The following PPP1R9A variants were observed in gnomAD, a reference collection of about 807,000 sequenced individuals.
PPP1R9A encodes protein phosphatase 1 regulatory subunit 9A.
PPP1R9A carries 59 observed loss-of-function variants against 141.9 expected under a neutral mutation model. The ratio of observed to expected loss-of-function variants is 0.42; its 90% CI spans 0.34 to 0.52. The LOEUF (loss-of-function observed/expected upper bound fraction) is 0.52, where lower values mean the gene tolerates loss of function less well. PPP1R9A is among the 20% of genes least tolerant of loss of function. The probability of loss-of-function intolerance (pLI) is 0.10; values close to 1 mark genes in which losing one functional copy is unlikely to be tolerated. For missense variants in PPP1R9A, 1,444 were observed against 1,611.9 expected, an observed-to-expected ratio of 0.90 and a Z score of 1.78; for synonymous variants, 500 against 569.7, an observed-to-expected ratio of 0.88 and a Z score of 1.74.
At chr7:94,924,612 T>C (rs1793234473) in intron 2 of PPP1R9A, among the ~76,000 whole-genome samples, 1 of 152,204 alleles carries the variant, frequency 6.6e-6, no homozygotes, top group African/African-American at 2.4e-5. Context: ...TACTGCAACT[T>C]CCGTCTCCCG....
intron 19 of PPP1R9A, among the ~76,000 whole-genome samples, chr7:95,289,794 AAGGTTGGAGAAGT>A (rs111790252): frequency 0.055 from 8,424 of 152,222 alleles, 596 homozygotes; most frequent in African/African-American, 0.17. Context: ...CTACAGCCCA[AAGGTTGGAGAAGT>A]AGAATTGTGC....
At chr7:95,205,776 A>G (rs969072026) in intron 7 of PPP1R9A, among the ~76,000 whole-genome samples, 7 of 152,194 alleles carry the variant, frequency 4.6e-5, no homozygotes, top group Admixed American at 6.5e-5. Context: ...GTGTGTCAGT[A>G]GCACTGTGTG....
chr7:94,972,381 G>A (rs1311693571), intron 2 of PPP1R9A, among the ~76,000 whole-genome samples: 1 of 151,474 alleles, frequency 6.6e-6, no homozygotes, highest in East Asian at 1.9e-4. Flanking sequence ...ATGAAACAAT[G>A]CATTCCTAAC....
intron 2 of PPP1R9A, among the ~76,000 whole-genome samples, chr7:94,992,321 C>G (rs549141010): frequency 1.6e-3 from 249 of 152,278 alleles, no homozygotes; most frequent in Non-Finnish European, 2.7e-3. Flanking sequence ...TTTCTAACTT[C>G]TTGTTGCTAG....
intron 12 of PPP1R9A, among the ~76,000 whole-genome samples, chr7:95,256,374 T>C (rs1409650630): frequency 6.6e-6 from 1 of 152,096 alleles, no homozygotes; most frequent in Non-Finnish European, 1.5e-5. Flanking sequence ...AAAATACATA[T>C]AATTATTTCA....
At chr7:95,210,058 T>C (rs1791745367) in intron 7 of PPP1R9A, among the ~76,000 whole-genome samples, 1 of 152,180 alleles carries the variant, frequency 6.6e-6, no homozygotes, top group Admixed American at 6.5e-5. Context: ...GTCGACCGTT[T>C]AGTTCAGGAT....
intron 16 of PPP1R9A, among the ~76,000 whole-genome samples, chr7:95,283,690 G>A (rs905644034): frequency 1.1e-4 from 17 of 152,218 alleles, no homozygotes; most frequent in Non-Finnish European, 2.1e-4. Flanking sequence ...TAAAGGGAAT[G>A]CAGTGATGAT....
At chr7:95,164,021 A>G (rs1830817232) in intron 5 of PPP1R9A, among the ~76,000 whole-genome samples, 1 of 152,180 alleles carries the variant, frequency 6.6e-6, no homozygotes, top group African/African-American at 2.4e-5. Flanking sequence ...CACAGGTGTG[A>G]GCCACTGCGC....
chr7:95,133,513 T>TTATTTA (rs1825041963), intron 4 of PPP1R9A, among the ~76,000 whole-genome samples: 1 of 132,686 alleles, frequency 7.5e-6, no homozygotes, highest in Non-Finnish European at 1.6e-5. Flanking sequence ...TGCAGTCGTA[T>TTATTTA]TATATATATA....
At chr7:95,219,221 C>T (rs905058045) in intron 7 of PPP1R9A, among the ~76,000 whole-genome samples, 44 of 152,194 alleles carry the variant, frequency 2.9e-4, no homozygotes, top group Admixed American at 1.6e-3. Context: ...TTCTCCTTCA[C>T]TTATGAAGCT....
intron 2 of PPP1R9A, among the ~76,000 whole-genome samples, chr7:95,109,684 A>AT (rs887683722): frequency 2.5e-4 from 38 of 151,938 alleles, no homozygotes; most frequent in African/African-American, 8.9e-4. Flanking sequence ...CTAAAAAAAA[A>AT]TTTTTTTTAA....
intron 2 of PPP1R9A, among the ~76,000 whole-genome samples, chr7:95,007,012 G>A (rs1050918779): frequency 2.6e-5 from 4 of 152,170 alleles, no homozygotes; most frequent in African/African-American, 7.2e-5. Flanking sequence ...ACAGGAGCAC[G>A]CCACTACACT....
intron 2 of PPP1R9A, among the ~76,000 whole-genome samples, chr7:94,928,018 T>C (rs1793694424): frequency 6.6e-6 from 1 of 152,160 alleles, no homozygotes; most frequent in Non-Finnish European, 1.5e-5. Flanking sequence ...AGTACACATG[T>C]CAACTTTGAT....
At chr7:95,181,458 TATATATAG>T (rs1833783256) in intron 5 of PPP1R9A, among the ~76,000 whole-genome samples, 1 of 133,880 alleles carries the variant, frequency 7.5e-6, no homozygotes, top group African/African-American at 2.8e-5. Context: ...ATATATAGAA[TATATATAG>T]AGAATATATA....
At chr7:95,094,274 A>C (rs1817727166) in intron 2 of PPP1R9A, among the ~76,000 whole-genome samples, 1 of 152,164 alleles carries the variant, frequency 6.6e-6, no homozygotes, top group Non-Finnish European at 1.5e-5. Context: ...TAATATGGAG[A>C]AACTTAGGAG....
rs548713396 is a variant in PPP1R9A, at chr7:95,084,359, C to T, written c.1396-26900C>T. Among the ~76,000 whole-genome samples the T allele has an allele frequency of 3.1e-4, 47 of 152,034 alleles. 1 individual carries two copies. Among genetic ancestry groups the T allele is most frequent in the African/African-American group, 9.9e-4 (41 of 41,386 alleles). On this transcript the variant is annotated intron_variant, in intron 2 of 19. Transcript: ENST00000433360. Reference sequence around the variant, plus strand: ...AATCTTGAAAAAATAGGCTAAACGTCACTAAGAAATTATTTTTGCCAAGTT... The same window carrying T: ...AATCTTGAAAAAATAGGCTAAACGTTACTAAGAAATTATTTTTGCCAAGTT...
intron 4 of PPP1R9A, among the ~76,000 whole-genome samples, chr7:95,149,107 G>A (rs1828181587): frequency 6.6e-6 from 1 of 151,776 alleles, no homozygotes; most frequent in Admixed American, 6.6e-5. Flanking sequence ...AAAAGTCAAT[G>A]AATATAGTCC....
chr7:95,092,338 A>T (rs899085027), intron 2 of PPP1R9A, among the ~76,000 whole-genome samples: 1 of 140,302 alleles, frequency 7.1e-6, no homozygotes, highest in African/African-American at 2.7e-5. Context: ...TGTATCTTAT[A>T]CTACACGCTT....
chr7:94,912,896 T>C (rs1791626101), intron 2 of PPP1R9A, among the ~76,000 whole-genome samples: 1 of 152,090 alleles, frequency 6.6e-6, no homozygotes, highest in Admixed American at 6.5e-5. Context: ...TGCCTTCCTA[T>C]TCCTCCCCAA....
Sources: gnomAD v4.1 joint callset for allele counts (sites outside exome capture counted in the v4.1 genomes callset) on GRCh38, gnomAD v4.1.1 for gene constraint, MANE v1.5 for transcripts, NCBI Gene and HGNC (gene_info 2026-07-23, HGNC 2026-07-21) for gene names.